Variants in TENM1 observed in about 807,000 individuals in gnomAD.
The protein encoded by TENM1 is teneurin transmembrane protein 1.
A neutral mutation model predicts 174.8 loss-of-function variants in TENM1; 35 were observed. That is an observed-to-expected ratio of 0.20 (90% CI 0.15 to 0.27). The LOEUF (loss-of-function observed/expected upper bound fraction) is 0.27, where lower values mean the gene tolerates loss of function less well. Ranked by LOEUF, TENM1 falls within the 10% of genes least tolerant of loss-of-function variation. TENM1 has a pLI of 1.00. For synonymous variants in TENM1, 781 were observed against 798.7 expected, an observed-to-expected ratio of 0.98 and a Z score of 0.37; for missense variants, 1,633 against 2,130.1, an observed-to-expected ratio of 0.77 and a Z score of 4.59.
chrX:124,914,060 A>G (rs185273208), intron 1 of TENM1, among the ~76,000 whole-genome samples: 15 of 111,983 alleles, frequency 1.3e-4, no homozygotes, highest in Middle Eastern at 4.6e-3. Flanking sequence ...TCCTAGTAAG[A>G]GGTGAAGTCA....
chrX:124,759,038 T>C (rs192746216), intron 3 of TENM1, among the ~76,000 whole-genome samples: 1 of 112,232 alleles, frequency 8.9e-6, no homozygotes, highest in East Asian at 2.8e-4. Flanking sequence ...TGGTATATTT[T>C]ATGTGTTTTT....
At chrX:125,168,957 C>T in the TENM1 span, among the ~76,000 whole-genome samples, 3 of 110,133 alleles carry the variant, frequency 2.7e-5, no homozygotes, top group Non-Finnish European at 5.7e-5. Flanking sequence ...GTTTGTTACA[C>T]AGCCACAGAA....
chrX:125,184,678 A>G, the TENM1 span, among the ~76,000 whole-genome samples: 1,898 of 111,823 alleles, frequency 0.017, 53 homozygotes, highest in African/African-American at 0.059. Flanking sequence ...ATACTCTTAA[A>G]GAAAGTATCA....
chrX:124,937,063 A>T (rs1173257658), intron 1 of TENM1, among the ~76,000 whole-genome samples: 1 of 110,507 alleles, frequency 9.0e-6, no homozygotes, highest in Non-Finnish European at 1.9e-5. Flanking sequence ...GAAAAAAAAA[A>T]AAAAAGTAGT....
chrX:124,402,589 T>C (rs1359298288), intron 27 of TENM1, among the ~76,000 whole-genome samples: 1 of 112,495 alleles, frequency 8.9e-6, no homozygotes, highest in East Asian at 2.8e-4. Flanking sequence ...CTCCATTATC[T>C]GTGCATATGG....
intron 22 of TENM1, among the ~76,000 whole-genome samples, chrX:124,457,676 T>C (rs1291320185): frequency 8.9e-6 from 1 of 111,785 alleles, no homozygotes; most frequent in South Asian, 3.7e-4. Flanking sequence ...CATCCTGATG[T>C]AATCACTGAG....
At position 124,581,338 on chromosome X, in the gene TENM1, T is replaced by C. The variant is rs1425927402; in HGVS notation, c.2078-15778A>G. 3.6e-5 allele frequency among the ~76,000 whole-genome samples: 4 copies of C among 111,429 alleles called. No homozygotes were observed. In the East Asian group the frequency reaches 1.1e-3, roughly 31 times the overall value. ...CCCCAACCTCCCAAAGTGCTGGGATTACAGGCATGAGCCACTGCACCCGGC... is the reference window on the plus strand; with the variant it reads ...CCCCAACCTCCCAAAGTGCTGGGATCACAGGCATGAGCCACTGCACCCGGC... On this transcript the variant is annotated intron_variant, in intron 11 of 31. Coordinates refer to ENST00000422452, the Ensembl canonical transcript of TENM1.
intron 4 of TENM1, among the ~76,000 whole-genome samples, chrX:124,708,970 C>A (rs1296208436): frequency 9.0e-6 from 1 of 111,420 alleles, no homozygotes; most frequent in African/African-American, 3.3e-5. Flanking sequence ...CCAAGTTAGG[C>A]ACTTTGTCTC....
the TENM1 span, among the ~76,000 whole-genome samples, chrX:125,113,092 G>A: frequency 9.0e-6 from 1 of 111,315 alleles, no homozygotes; most frequent in African/African-American, 3.3e-5. Context: ...ACCTGTATAT[G>A]GTTAAATGGT....
At chrX:124,818,653 G>A (rs1188856637) in intron 3 of TENM1, among the ~76,000 whole-genome samples, 5 of 111,469 alleles carry the variant, frequency 4.5e-5, no homozygotes, top group South Asian at 3.8e-4. Context: ...ATACCTGAAA[G>A]GATAGTGAAC....
intron 14 of TENM1, among the ~76,000 whole-genome samples, chrX:124,553,686 G>A (rs1181457892): frequency 1.0e-5 from 1 of 98,920 alleles, no homozygotes; most frequent in Non-Finnish European, 2.0e-5. Context: ...ATCATAATAT[G>A]TATTTTTAAA....
chrX:125,101,556 G>A, the TENM1 span, among the ~76,000 whole-genome samples: 8 of 111,719 alleles, frequency 7.2e-5, no homozygotes, highest in African/African-American at 9.8e-5. Context: ...AGACAATGGA[G>A]TGGGCCAATT....
At position 124,537,839 on chromosome X, in the gene TENM1, G is replaced by C. The variant is rs781692573; in HGVS notation, c.2652-7856C>G. Among the ~76,000 whole-genome samples, 4 of 112,187 alleles carry C rather than the reference G, an allele frequency of 3.6e-5. No individual in the cohort carries two copies. The South Asian group carries it at 1.5e-3, about 42-fold the overall frequency. On this transcript the variant is annotated intron_variant, in intron 15 of 31. Transcript: ENST00000422452. ...AGCCTTTTAACTTTACATCCTAATG[G>C]AGCAGCAAGTAGGATAGATAAAATA... is the stretch of plus-strand genomic sequence containing the variant.
chrX:124,654,124 T>C (rs1426237001), intron 6 of TENM1, among the ~76,000 whole-genome samples: 1 of 111,733 alleles, frequency 8.9e-6, no homozygotes, highest in Admixed American at 9.5e-5. Context: ...GCATTGAAAA[T>C]AGGGAAAATA....
intron 1 of TENM1, among the ~76,000 whole-genome samples, chrX:124,940,001 T>C (rs750579676): frequency 8.9e-6 from 1 of 112,182 alleles, no homozygotes; most frequent in South Asian, 3.7e-4. Flanking sequence ...ACCATGTCTA[T>C]GTTTTTCACA....
At chrX:124,489,853 G>T (rs141628029) in intron 20 of TENM1, among the ~76,000 whole-genome samples, 2 of 111,173 alleles carry the variant, frequency 1.8e-5, no homozygotes, top group Admixed American at 1.9e-4. Context: ...AGAATGGTCT[G>T]CCCTTCCTGC....
chrX:124,647,685 C>T (rs1051403006), intron 8 of TENM1, among the ~76,000 whole-genome samples: 37 of 109,690 alleles, frequency 3.4e-4, no homozygotes, highest in African/African-American at 1.1e-3. Flanking sequence ...TAAGTCTGAA[C>T]TATTATGGTA....
chrX:124,657,658 G>T (rs2051481673), intron 6 of TENM1, among the ~76,000 whole-genome samples: 1 of 111,373 alleles, frequency 9.0e-6, no homozygotes, highest in Non-Finnish European at 1.9e-5. Context: ...AGCTAGACGT[G>T]GTACATTCAA....
At chrX:124,995,217 TA>T in the TENM1 span, among the ~76,000 whole-genome samples, 1 of 110,941 alleles carries the variant, frequency 9.0e-6, no homozygotes, top group Non-Finnish European at 1.9e-5. Flanking sequence ...TATATGCTTT[TA>T]TATAGCGCTG....
Sources: allele counts gnomAD v4.1 joint callset (sites outside exome capture counted in the v4.1 genomes callset), GRCh38; gene constraint gnomAD v4.1.1; transcripts MANE v1.5; gene names NCBI Gene and HGNC (gene_info 2026-07-23, HGNC 2026-07-21).